FRK: variants seen among roughly 807,000 people sequenced by gnomAD.
FRK encodes the protein tyrosine-protein kinase FRK.
Under a neutral mutation model 56.4 loss-of-function variants are expected in FRK, and 51 were observed. The ratio of observed to expected loss-of-function variants is 0.90; its 90% CI spans 0.72 to 1.14. The LOEUF (loss-of-function observed/expected upper bound fraction) is 1.14, where lower values mean the gene tolerates loss of function less well. Among genes scored for constraint, FRK ranks in the 50% most tolerant of loss-of-function variants. FRK has a pLI of 0.00. For missense variants in FRK, 570 were observed against 601.4 expected (o/e 0.95, Z 0.55); for synonymous variants, 245 against 217.9 (o/e 1.12, Z -1.10).
intron 2 of FRK, among the ~76,000 whole-genome samples, chr6:115,974,152 A>G (rs1459545821): frequency 6.6e-6 from 1 of 152,164 alleles, no homozygotes; most frequent in Non-Finnish European, 1.5e-5. Context: ...TTATATAAAC[A>G]AGATGAACTA....
intron 2 of FRK, among the ~76,000 whole-genome samples, chr6:116,000,274 G>A (rs57624996): frequency 0.43 from 49,531 of 116,236 alleles, 10,742 homozygotes; most frequent in Middle Eastern, 0.62. Flanking sequence ...ACGGAGTCTC[G>A]CTCTGTCACC....
intron 5 of FRK, 35 bp from the exon 6 acceptor site, chr6:115,944,460 A>G: frequency 1.3e-6 from 2 of 1,527,052 alleles, no homozygotes; most frequent in Non-Finnish European, 1.8e-6. Flanking sequence ...AAGTTACCTT[A>G]GAGAACATTT....
In FRK at chr6:115,931,153, A is replaced by C. The variant is rs916368748; in HGVS notation, c.*11261T>G. Reference sequence around the variant, plus strand: ...CAACTGAGGAGACATTTCACGTGCTATGAACACATTGAATTTATATTTTAG... The same window carrying C: ...CAACTGAGGAGACATTTCACGTGCTCTGAACACATTGAATTTATATTTTAG... On this transcript the variant is annotated 3_prime_UTR_variant, in exon 8 of 8. Transcript: ENST00000606080. 6.6e-6 allele frequency: 1 copy of C among 152,236 alleles called. No individual in the cohort carries two copies. Among genetic ancestry groups the C allele is most frequent in the African/African-American group, 2.4e-5 (1 of 41,462 alleles). The allele number at this position is 152,236 out of a possible 1,614,324, so 9.4% of individuals were successfully genotyped here. A position where few individuals can be genotyped will look rare whatever the true frequency, so the allele number is the denominator to read the frequency against.
At chr6:116,011,424 G>A (rs1396467768) in intron 1 of FRK, among the ~76,000 whole-genome samples, 1 of 151,498 alleles carries the variant, frequency 6.6e-6, no homozygotes, top group Non-Finnish European at 1.5e-5. Flanking sequence ...CAGCCTTCAA[G>A]TACTATAGAC....
At chr6:116,078,682 T>C in the FRK span, among the ~76,000 whole-genome samples, 2 of 152,140 alleles carry the variant, frequency 1.3e-5, no homozygotes, top group African/African-American at 2.4e-5. Flanking sequence ...ATAACACAGA[T>C]AAAGAAACAA....
intron 1 of FRK, among the ~76,000 whole-genome samples, chr6:116,029,794 T>C (rs531043013): frequency 3.3e-5 from 5 of 152,148 alleles, no homozygotes; most frequent in South Asian, 2.1e-4. Flanking sequence ...GATCTATCAG[T>C]CACCCCTTTT....
chr6:116,068,726 T>C, the FRK span, among the ~76,000 whole-genome samples: 2 of 152,148 alleles, frequency 1.3e-5, no homozygotes, highest in Admixed American at 6.5e-5. Flanking sequence ...TGAAACCCTA[T>C]TTCTATATTT....
chr6:115,971,085 T>C (rs555667504), intron 2 of FRK, among the ~76,000 whole-genome samples: 5 of 152,324 alleles, frequency 3.3e-5, no homozygotes, highest in Admixed American at 3.3e-4. Context: ...GTACTTTTAT[T>C]ATGTGTATCA....
intron 1 of FRK, among the ~76,000 whole-genome samples, chr6:116,058,703 G>A (rs1777490803): frequency 2.0e-5 from 3 of 152,092 alleles, no homozygotes; most frequent in Admixed American, 2.0e-4. Context: ...GAGGTCAGGA[G>A]ATCGAGACCA....
chr6:116,028,704 C>T (rs997032835), intron 1 of FRK, among the ~76,000 whole-genome samples: 1 of 151,968 alleles, frequency 6.6e-6, no homozygotes. Context: ...TATATAAGTA[C>T]ATATTAGGGC....
intron 1 of FRK, among the ~76,000 whole-genome samples, chr6:116,024,732 G>A (rs1776021374): frequency 6.6e-6 from 1 of 152,094 alleles, no homozygotes; most frequent in Non-Finnish European, 1.5e-5. Context: ...ACATACGTGT[G>A]CATGTGTCTT....
At chr6:115,987,356 G>A (rs762359797) in intron 2 of FRK, among the ~76,000 whole-genome samples, 5 of 152,040 alleles carry the variant, frequency 3.3e-5, no homozygotes, top group South Asian at 2.1e-4. Flanking sequence ...CACCCTGGCT[G>A]CAGAGTTCGT....
intron 5 of FRK, among the ~76,000 whole-genome samples, chr6:115,955,377 C>T (rs1286509531): frequency 6.6e-6 from 1 of 152,084 alleles, no homozygotes; most frequent in Non-Finnish European, 1.5e-5. Context: ...TTATTAAGGA[C>T]CTTTATAAAG....
chr6:116,094,826 A>G, the FRK span, among the ~76,000 whole-genome samples: 1 of 152,196 alleles, frequency 6.6e-6, no homozygotes, highest in African/African-American at 2.4e-5. Flanking sequence ...AGAAAGAGAG[A>G]CAGAAAGTCA....
Position 115,967,627 on chromosome 6 carries a change from T to A in FRK, c.723A>T (p.Gly241=). Residue 241 remains glycine (G), a synonymous_variant, in exon 4 of 8, where the codon GGA becomes GGT. Coordinates refer to ENST00000606080, the MANE Select transcript of FRK (RefSeq NM_002031.3). ...CCCATACTTCGCCAAACTGACCAGATCCCAATCGCTTCAGAAGCTGTATGG... is the reference window on the plus strand; with the variant it reads ...CCCATACTTCGCCAAACTGACCAGAACCCAATCGCTTCAGAAGCTGTATGG... ...RNSIQLLKRL[G]SGQFGEVWEG... The A allele has an allele frequency of 6.2e-7, 1 of 1,613,774 alleles. No homozygotes were observed.
chr6:116,075,423 G>T, the FRK span, among the ~76,000 whole-genome samples: 2 of 144,948 alleles, frequency 1.4e-5, no homozygotes, highest in East Asian at 2.1e-4. Context: ...TAGTATTTTT[G>T]ATTTTGGTGT....
chr6:116,073,860 C>A, the FRK span, among the ~76,000 whole-genome samples: 8 of 152,156 alleles, frequency 5.3e-5, no homozygotes, highest in Non-Finnish European at 7.4e-5. Flanking sequence ...ATGCCAAAGA[C>A]TGCTGGGGGA....
the FRK span, among the ~76,000 whole-genome samples, chr6:116,096,458 T>C: frequency 6.6e-6 from 1 of 152,144 alleles, no homozygotes; most frequent in Non-Finnish European, 1.5e-5. Context: ...AACACACCAA[T>C]CAGCACTCTG....
intron 1 of FRK, among the ~76,000 whole-genome samples, chr6:116,055,301 T>G (rs949934019): frequency 6.6e-6 from 1 of 152,148 alleles, no homozygotes; most frequent in Non-Finnish European, 1.5e-5. Flanking sequence ...CTTCAGAACA[T>G]TCTAACATTT....
Sources: allele counts gnomAD v4.1 joint callset (sites outside exome capture counted in the v4.1 genomes callset), GRCh38; gene constraint gnomAD v4.1.1; transcripts MANE v1.5; gene names NCBI Gene and HGNC (gene_info 2026-07-23, HGNC 2026-07-21).